RBBP5: variants seen among roughly 807,000 people sequenced by gnomAD.
RBBP5 encodes RB binding protein 5, histone lysine methyltransferase complex subunit.
In RBBP5, 5 loss-of-function variants were observed where a neutral mutation model predicts 72.2. The ratio of observed to expected loss-of-function variants is 0.07; its 90% CI spans 0.04 to 0.15. The LOEUF is 0.15. Ranked by LOEUF, RBBP5 falls within the 10% of genes least tolerant of loss-of-function variation. RBBP5 has a pLI of 1.00. For synonymous variants in RBBP5, 209 were observed against 237.2 expected (o/e 0.88, Z 1.09); for missense variants, 322 against 652.2 (o/e 0.49, Z 5.51).
At position 205,103,916 on chromosome 1, in the gene RBBP5, C is replaced by T; in HGVS notation, c.463G>A (p.Val155Ile). The T allele has an allele frequency of 6.2e-7, 1 of 1,614,124 alleles. No individual in the cohort carries two copies. The highest frequency in any genetic ancestry group is 2.2e-5 in the East Asian group (1 of 44,890). ...LPVDDDSDLN[V>I]VASFDRRGEY... ...CCTCGCCTATCAAAAGATGCCACAA[C>T]GTTCAAATCGGAGTCATCGTCCACC... Residue 155 changes from valine to isoleucine, a missense_variant, in exon 5 of 14, where the codon GTT becomes ATT. Transcript: ENST00000264515.
At chr1:205,114,620 T>G (rs1301625392) in intron 3 of RBBP5, among the ~76,000 whole-genome samples, 169 bp downstream of exon 3, 3 of 152,178 alleles carry the variant, frequency 2.0e-5, no homozygotes, top group African/African-American at 7.2e-5. Context: ...CCAAGAAAGG[T>G]GCTTCAAGGA....
At chr1:205,108,319 G>T (rs1413716068) in intron 3 of RBBP5, among the ~76,000 whole-genome samples, 2 of 152,152 alleles carry the variant, frequency 1.3e-5, no homozygotes, top group East Asian at 1.9e-4. Context: ...TCTTATGTGG[G>T]TGTCAATGTA....
intron 3 of RBBP5, among the ~76,000 whole-genome samples, chr1:205,108,651 C>T (rs998716699): frequency 1.3e-5 from 2 of 152,174 alleles, no homozygotes; most frequent in African/African-American, 4.8e-5. Context: ...CGATACTTTA[C>T]CCAGGTTTTG....
At chr1:205,101,765 G>C in intron 5 of RBBP5, 56 bp from the exon 6 acceptor site, 2 of 1,275,648 alleles carry the variant, frequency 1.6e-6, no homozygotes, top group East Asian at 2.3e-5. Context: ...AACAATAATT[G>C]ATTTGGCTTG....
intron 13 of RBBP5, among the ~76,000 whole-genome samples, chr1:205,093,182 G>A (rs577823202): frequency 4.6e-5 from 7 of 151,662 alleles, no homozygotes; most frequent in Admixed American, 3.3e-4. Flanking sequence ...CAAACATGCC[G>A]GGCGTGATAG....
chr1:205,102,102 G>A (rs1253793639), intron 5 of RBBP5, among the ~76,000 whole-genome samples: 1 of 151,930 alleles, frequency 6.6e-6, no homozygotes, highest in African/African-American at 2.4e-5. Flanking sequence ...CTTCATGTTG[G>A]TCAGGCTGGT....
In RBBP5 at chr1:205,116,750, G is replaced by GT. The variant is rs771878026; in HGVS notation, c.20-868dup. On this transcript the variant is annotated intron_variant, in intron 1 of 13. Coordinates refer to ENST00000264515, the MANE Select transcript of RBBP5 (RefSeq NM_005057.4). ...AATCACTTGAACCTGGGAGACGGAG[G>GT]TTGCAGTGAGCTGAGATCGTGCCAC... Among the ~76,000 whole-genome samples the GT allele has an allele frequency of 3.2e-3, 492 of 152,290 alleles. 4 individuals carry two copies. The highest frequency in any genetic ancestry group is 4.0e-3 in the Non-Finnish European group (269 of 68,030).
intron 5 of RBBP5, 149 bp downstream of exon 5, chr1:205,103,708 T>A (rs1017968287): frequency 1.1e-6 from 1 of 925,846 alleles, no homozygotes; most frequent in African/African-American, 1.7e-5. Flanking sequence ...AAATTATTAT[T>A]AAGAGATGGA....
rs1553352080 is a variant in RBBP5 at position 205,093,458 on chromosome 1, C to CCAAAAAAAAAAAAAAAA, written c.1588+1414_1588+1415insTTTTTTTTTTTTTTTTG. On this transcript the variant is annotated intron_variant, in intron 13 of 13. Coordinates refer to ENST00000264515, the MANE Select transcript of RBBP5 (RefSeq NM_005057.4). ...TGGGGACAAGAGTGAAACTCCGTTTCAAAAAAAAAAAAAAAAAAAAAATAT... is the reference window on the plus strand; with the variant it reads ...TGGGGACAAGAGTGAAACTCCGTTTCCAAAAAAAAAAAAAAAAAAAAAAAAAAAAAAAAAAAAAATAT... Among the ~76,000 whole-genome samples, 84 of 18,326 alleles carry CCAAAAAAAAAAAAAAAA rather than the reference C, an allele frequency of 4.6e-3. 31 individuals carry two copies. Among genetic ancestry groups the CCAAAAAAAAAAAAAAAA allele is most frequent in the South Asian group, 9.4e-3 (1 of 106 alleles). The allele number at this position is 18,326 out of a possible 152,430, so 12.0% of individuals were successfully genotyped here.
rs1187435700 is a variant in RBBP5 at position 205,087,556 on chromosome 1, A to G, written c.*1231T>C. ...TAAATTCTCCTTTTAAAATATTGAA[A>G]AAAAAAAAAAAAAAAAAAAGACGAT... On this transcript the variant is annotated 3_prime_UTR_variant, in exon 14 of 14. Coordinates refer to ENST00000264515, the MANE Select transcript of RBBP5 (RefSeq NM_005057.4). 7.2e-6 allele frequency: 1 copy of G among 138,254 alleles called. No individual in the cohort carries two copies. The highest frequency in any genetic ancestry group is 1.5e-5 in the Non-Finnish European group (1 of 64,972). 8.6% of individuals were successfully genotyped at this position (138,254 alleles called of 1,614,324 possible).
chr1:205,098,486 T>C (rs1427097783), intron 10 of RBBP5, among the ~76,000 whole-genome samples: 1 of 152,122 alleles, frequency 6.6e-6, no homozygotes, highest in Non-Finnish European at 1.5e-5. Context: ...AAACACCTTA[T>C]AAATTAAGGC....
At chr1:205,108,198 G>C (rs1007796116) in intron 3 of RBBP5, among the ~76,000 whole-genome samples, 1 of 150,812 alleles carries the variant, frequency 6.6e-6, no homozygotes, top group Non-Finnish European at 1.5e-5. Flanking sequence ...AGCAGATATC[G>C]CAGCATTGCA....
intron 3 of RBBP5, among the ~76,000 whole-genome samples, chr1:205,107,160 T>C (rs377089749): frequency 2.0e-5 from 3 of 151,900 alleles, no homozygotes; most frequent in Admixed American, 6.6e-5. Flanking sequence ...AAAGATGTAA[T>C]ATTCATGTCA....
Position 205,096,710 on chromosome 1 carries a change from A to G in RBBP5, c.1368T>C (p.Asn456=), listed in dbSNP as rs750134501. Residue 456 remains asparagine, a synonymous_variant, in exon 12 of 14, where the codon AAT becomes AAC. Coordinates refer to ENST00000264515, the MANE Select transcript of RBBP5 (RefSeq NM_005057.4). ...QPPKKKPKTT[N]IELQGVPNDE... ...CATTTGGTACTCCTTGAAGTTCTAT[A>G]TTGGTTGTTTTGGGTTTCTTCTTAG... 1.1e-5 allele frequency: 18 copies of G among 1,613,888 alleles called. No individual in the cohort carries two copies. Among genetic ancestry groups the G allele is most frequent in the Non-Finnish European group, 1.5e-5 (18 of 1,179,994 alleles).
At chr1:205,107,292 G>T (rs1656110587) in intron 3 of RBBP5, among the ~76,000 whole-genome samples, 1 of 151,996 alleles carries the variant, frequency 6.6e-6, no homozygotes, top group African/African-American at 2.4e-5. Flanking sequence ...ACATCAACTA[G>T]GATGAGCCCA....
At chr1:205,112,728 T>C (rs1000226918) in intron 3 of RBBP5, among the ~76,000 whole-genome samples, 4 of 152,050 alleles carry the variant, frequency 2.6e-5, no homozygotes, top group African/African-American at 9.7e-5. Flanking sequence ...ATTTAAAAAG[T>C]TGTTAAAGGC....
rs1171419396 is a variant in RBBP5 at position 205,103,883 on chromosome 1, T to C, written c.496A>G (p.Ile166Val). 1 of 1,613,856 alleles carries C rather than the reference T, an allele frequency of 6.2e-7. No individual in the cohort carries two copies. Among genetic ancestry groups the C allele is most frequent in the African/African-American group, 1.3e-5 (1 of 74,926 alleles). The change falls in exon 5 of 14, where the codon ATT (isoleucine) becomes GTT (valine). Residue 166 changes from isoleucine to valine, a missense_variant. Physicochemically the swap from Ile to Val is conservative, Grantham distance 29. Around this residue, in one of 6 missense-constraint regions of RBBP5, gnomAD observed 161 missense variants for 327.8 expected, o/e 0.49. Transcript: ENST00000264515. ...TTGCCTTTTGCGTTTCCCGTATAAA[T>C]ATATTCCCCTCGCCTATCAAAAGAT... ...VASFDRRGEY[I>V]YTGNAKGKIL...
intron 10 of RBBP5, among the ~76,000 whole-genome samples, chr1:205,098,135 T>C (rs910047705): frequency 1.3e-5 from 2 of 152,202 alleles, no homozygotes; most frequent in Admixed American, 1.3e-4. Flanking sequence ...TATTATGGCC[T>C]AGGCATATAT....
At chr1:205,107,084 A>G (rs865998043) in intron 3 of RBBP5, among the ~76,000 whole-genome samples, 2 of 135,076 alleles carry the variant, frequency 1.5e-5, no homozygotes, top group Admixed American at 7.6e-5. Context: ...ACATATATAT[A>G]TATACACACA....
Sources: allele counts gnomAD v4.1 joint callset (sites outside exome capture counted in the v4.1 genomes callset), GRCh38; gene constraint gnomAD v4.1.1; regional missense constraint gnomAD v4.1.1; transcripts MANE v1.5; gene names NCBI Gene and HGNC (gene_info 2026-07-23, HGNC 2026-07-21).